Variants in VIM observed in about 807,000 individuals in gnomAD.
VIM encodes the protein epididymis secretory sperm binding protein.
Under a neutral mutation model 50.3 loss-of-function variants are expected in VIM, and 18 were observed. The observed-to-expected ratio is 0.36, with a 90% CI of 0.25 to 0.53. The LOEUF (loss-of-function observed/expected upper bound fraction) is 0.53. Among genes scored for constraint, VIM ranks in the 20% least tolerant of loss-of-function variants. The pLI is 0.91. For missense variants in VIM, 551 were observed against 614.7 expected (o/e 0.90, Z 1.10); for synonymous variants, 245 against 248.5 (o/e 0.99, Z 0.13).
In VIM at chr10:17,237,242, A is replaced by G. The variant is rs747701399; in HGVS notation, c.1372A>G (p.Thr458Ala). Residue 458 changes from threonine to alanine, a missense_variant, in exon 10 of 10, where the codon ACT (threonine) becomes GCT (alanine). Thr to Ala is a moderately conservative substitution (Grantham distance 58, BLOSUM62 0). This residue lies in a region of VIM where 394 missense variants were observed against 437.5 expected (regional missense o/e 0.90). Transcript: ENST00000544301. ...ETRDGQVINETSQHHDDLE is the reference protein window; with the variant it reads ...ETRDGQVINEASQHHDDLE ...TTTTTTTAAACAGGTTATCAACGAA[A>G]CTTCTCAGCATCACGATGACCTTGA... 8.2e-5 allele frequency: 132 copies of G among 1,605,622 alleles called. 1 individual carries two copies. Among genetic ancestry groups the G allele is most frequent in the Non-Finnish European group, 1.1e-4 (126 of 1,175,032 alleles).
At chr10:17,230,328 T>G (rs1846764032) in intron 2 of VIM, 1 of 561,934 alleles carries the variant, frequency 1.8e-6, no homozygotes, top group Middle Eastern at 4.7e-4. Flanking sequence ...CTGCCCCTTC[T>G]GGCAGGCTGC....
At chr10:17,230,590 T>G (rs1846771536) in intron 2 of VIM, 60 bp from the exon 3 acceptor site, 8 of 1,593,070 alleles carry the variant, frequency 5.0e-6, no homozygotes, top group Non-Finnish European at 6.9e-6. Context: ...TGTTTGGGTG[T>G]GGCCGCCCCG....
At chr10:17,232,015 T>C (rs1483481104) in intron 3 of VIM, among the ~76,000 whole-genome samples, 1 of 152,234 alleles carries the variant, frequency 6.6e-6, no homozygotes, top group Non-Finnish European at 1.5e-5. Flanking sequence ...TGAGCATTTT[T>C]GATTATCATA....
chr10:17,229,230 T>C, intron 1 of VIM, 46 bp from the exon 2 acceptor site: 2 of 372,524 alleles, frequency 5.4e-6, no homozygotes, highest in Non-Finnish European at 9.6e-6. Context: ...GAGGGGACCC[T>C]CTTTCCTAAC....
At position 17,229,687 on chromosome 10, in the gene VIM, G is replaced by A; in HGVS notation, c.265G>A (p.Ala89Thr). 6.4e-7 allele frequency: 1 copy of A among 1,564,490 alleles called. No homozygotes were observed. The highest frequency in any genetic ancestry group is 1.9e-5 in the Admixed American group (1 of 52,446). The stretch of plus-strand genomic sequence containing the variant: ...GCAGGACTCGGTGGACTTCTCGCTG[G>A]CCGACGCCATCAACACCGAGTTCAA... Reference protein sequence around the residue: ...LLQDSVDFSLADAINTEFKNT... With the variant: ...LLQDSVDFSLTDAINTEFKNT... Residue 89 changes from alanine (A) to threonine (T), a missense_variant, in exon 2 of 10, where the codon GCC becomes ACC. By Grantham distance (58) the Ala-to-Thr change is moderately conservative. Around this residue, in one of 3 missense-constraint regions of VIM, gnomAD observed 23 missense variants for 50.9 expected, o/e 0.45. Transcript: ENST00000544301.
Position 17,237,394 on chromosome 10 carries a change from A to G in VIM, c.*123A>G, listed in dbSNP as rs879850578. On this transcript the variant is annotated 3_prime_UTR_variant, in exon 10 of 10. Transcript: ENST00000544301. ...TTCAGGAGCGCAAGATAGATTTGGA[A>G]TAGGAATAAGCTCTAGTTCTTAACA... 8 of 937,134 alleles carry G rather than the reference A, an allele frequency of 8.5e-6. No individual in the cohort carries two copies. Among genetic ancestry groups the G allele is most frequent in the Non-Finnish European group, 1.3e-5 (8 of 602,954 alleles). The allele number at this position is 937,134 out of a possible 1,614,324, so 58.1% of individuals were successfully genotyped here.
chr10:17,230,499 A>T, intron 2 of VIM, 151 bp from the exon 3 acceptor site: 1 of 900,530 alleles, frequency 1.1e-6, no homozygotes, highest in East Asian at 2.4e-5. Flanking sequence ...AAACCTGCCG[A>T]GGGCAGCAGG....
intron 3 of VIM, 127 bp from the exon 4 acceptor site, chr10:17,233,460 T>C: frequency 5.7e-6 from 5 of 883,394 alleles, no homozygotes; most frequent in South Asian, 1.4e-5. Flanking sequence ...TCCAGGGTCA[T>C]AAAATGTGTC....
chr10:17,231,734 G>A (rs2131681223), intron 3 of VIM, among the ~76,000 whole-genome samples: 1 of 150,236 alleles, frequency 6.7e-6, no homozygotes, highest in Non-Finnish European at 1.5e-5. Context: ...TAAACCCAAG[G>A]CTGAAAAACT....
Position 17,233,842 on chromosome 10 carries a change from C to T in VIM, c.793C>T (p.Leu265Phe). The change falls in exon 5 of 10, where the codon CTC (leucine) becomes TTC (phenylalanine). Residue 265 changes from leucine to phenylalanine, a missense_variant. Transcript: ENST00000544301. ...CGATGTGGATGTTTCCAAGCCTGAC[C>T]TCACGGCTGCCCTGCGTGACGTACG... The part of the protein sequence containing the change: ...QIDVDVSKPD[L>F]TAALRDVRQQ... The T allele has an allele frequency of 6.2e-7, 1 of 1,614,192 alleles. No individual in the cohort carries two copies. The highest frequency in any genetic ancestry group is 8.5e-7 in the Non-Finnish European group (1 of 1,180,042).
Position 17,229,831 on chromosome 10 carries a change from C to A in VIM, c.409C>A (p.Gln137Lys). ...QNKILLAELE[Q>K]LKGQGKSRLG... ...TAAGATCCTGCTGGCCGAGCTCGAG[C>A]AGCTCAAGGGCCAAGGCAAGTCGCG... Residue 137 changes from glutamine (Q) to lysine (K), a missense_variant, in exon 2 of 10, where the codon CAG (glutamine) becomes AAG (lysine). Gln to Lys is a moderately conservative substitution (Grantham distance 53). This residue lies in a region of VIM where 394 missense variants were observed against 437.5 expected (regional missense o/e 0.90). Coordinates refer to ENST00000544301, the MANE Select transcript of VIM (RefSeq NM_003380.5). 6.2e-7 allele frequency: 1 copy of A among 1,603,218 alleles called. No homozygotes were observed. Among genetic ancestry groups the A allele is most frequent in the Non-Finnish European group, 8.5e-7 (1 of 1,175,260 alleles).
At chr10:17,230,409 G>GGGCGGGGAT (rs1318352549) in intron 2 of VIM, 1 of 598,066 alleles carries the variant, frequency 1.7e-6, no homozygotes, top group African/African-American at 1.9e-5. Context: ...GGTCCCTCGG[G>GGGCGGGGAT]GGCGGGGATG....
chr10:17,235,744 GTACGTTTTCT>G, intron 7 of VIM, 92 bp from the exon 8 acceptor site: 1 of 1,102,154 alleles, frequency 9.1e-7, no homozygotes, highest in Admixed American at 1.8e-5. Context: ...ATTTAAAACA[GTACGTTTTCT>G]TACGTGACGA....
intron 3 of VIM, chr10:17,233,194 C>T (rs936957998): frequency 1.4e-5 from 4 of 288,234 alleles, no homozygotes; most frequent in African/African-American, 2.2e-5. Context: ...GTGATCCACC[C>T]GTCTCAGCCT....
intron 8 of VIM, 91 bp from the exon 9 acceptor site, chr10:17,236,203 C>T: frequency 1.9e-6 from 2 of 1,072,494 alleles, no homozygotes; most frequent in Admixed American, 1.7e-5. Flanking sequence ...GCCTCTCCCC[C>T]ACAAATCATA....
rs1035574791 is a variant in VIM, at chr10:17,235,758, G to T, written c.1230-88G>T. 6.2e-6 allele frequency: 8 copies of T among 1,288,946 alleles called. No homozygotes were observed. In the East Asian group the frequency reaches 1.2e-4, roughly 19 times the overall value. The allele number at this position is 1,288,946 out of a possible 1,614,324, so 79.8% of individuals were successfully genotyped here. On this transcript the variant is annotated intron_variant, in intron 7 of 9. Transcript: ENST00000544301. ...GATTTAAAACAGTACGTTTTCTTACGTGACGAAAACAAAAAGTGTGTTAAT... is the reference window on the plus strand; with the variant it reads ...GATTTAAAACAGTACGTTTTCTTACTTGACGAAAACAAAAAGTGTGTTAAT...
chr10:17,232,060 T>C (rs1846808362), intron 3 of VIM, among the ~76,000 whole-genome samples: 1 of 152,244 alleles, frequency 6.6e-6, no homozygotes, highest in South Asian at 2.1e-4. Flanking sequence ...TGAGTTAACA[T>C]AAAACAACAT....
At position 17,234,623 on chromosome 10, in the gene VIM, AT is replaced by A. The variant is rs902343218; in HGVS notation, c.883-60del. 529 of 1,530,878 alleles carry A rather than the reference AT, an allele frequency of 3.5e-4. 1 individual carries two copies. Among genetic ancestry groups the A allele is most frequent in the South Asian group, 1.5e-3 (129 of 88,604 alleles). 94.8% of individuals were successfully genotyped at this position (1,530,878 alleles called of 1,614,324 possible). A position where few individuals can be genotyped will look rare whatever the true frequency, so the allele number is the denominator to read the frequency against. ...TGGAAGACATTCAGTGAGAAATATGATTTTTTTTTTCTAAGAGAGTCAAAAG... is the reference window on the plus strand; with the variant it reads ...TGGAAGACATTCAGTGAGAAATATGATTTTTTTTTCTAAGAGAGTCAAAAG... On this transcript the variant is annotated intron_variant, in intron 5 of 9. Coordinates refer to ENST00000544301, the MANE Select transcript of VIM (RefSeq NM_003380.5).
intron 7 of VIM, 44 bp from the exon 8 acceptor site, chr10:17,235,802 G>A (rs1423926883): frequency 1.3e-5 from 20 of 1,589,044 alleles, no homozygotes; most frequent in Non-Finnish European, 1.7e-5. Flanking sequence ...AGTGGTTGAA[G>A]TTATTTGCCA....
Sources: gnomAD v4.1 joint callset for allele counts (sites outside exome capture counted in the v4.1 genomes callset) on GRCh38, gnomAD v4.1.1 for gene constraint, gnomAD v4.1.1 regional missense constraint, MANE v1.5 for transcripts, NCBI Gene and HGNC (gene_info 2026-07-23, HGNC 2026-07-21) for gene names.